KCTD16: variants seen among roughly 807,000 people sequenced by gnomAD.
KCTD16 encodes BTB/POZ domain-containing protein KCTD16.
Under a neutral mutation model 33.2 loss-of-function variants are expected in KCTD16, and 13 were observed. The ratio of observed to expected loss-of-function variants is 0.39; its 90% CI spans 0.25 to 0.62. The LOEUF (loss-of-function observed/expected upper bound fraction) is 0.62, where lower values mean the gene tolerates loss of function less well. KCTD16 is among the 20% of genes least tolerant of loss of function. The pLI, the probability that KCTD16 is intolerant of heterozygous loss-of-function variation, is 0.50. For synonymous variants in KCTD16, 197 were observed against 195.3 expected, an observed-to-expected ratio of 1.01 and a Z score of -0.07; for missense variants, 441 against 525.1, an observed-to-expected ratio of 0.84 and a Z score of 1.57.
chr5:144,426,715 A>T (rs1161271377), intron 3 of KCTD16, among the ~76,000 whole-genome samples: 1 of 152,144 alleles, frequency 6.6e-6, no homozygotes, highest in Non-Finnish European at 1.5e-5. Flanking sequence ...TCATACCATC[A>T]AGGGAGGTAT....
chr5:144,205,874 G>T, intron 2 of KCTD16: 1 of 262,560 alleles, frequency 3.8e-6, no homozygotes, highest in Non-Finnish European at 7.1e-6. Flanking sequence ...ATATATAATA[G>T]TTATTTTCCA....
At chr5:144,221,614 T>A (rs948390636) in intron 3 of KCTD16, among the ~76,000 whole-genome samples, 3 of 152,246 alleles carry the variant, frequency 2.0e-5, no homozygotes, top group African/African-American at 7.2e-5. Context: ...TTTTTATGGC[T>A]GCATAGTATT....
At position 144,312,078 on chromosome 5, in the gene KCTD16, G is replaced by A. The variant is rs181598214; in HGVS notation, c.832+104532G>A. On this transcript the variant is annotated intron_variant, in intron 3 of 3. Transcript: ENST00000512467. ...AACATTTATGAAAGGCCCTGTAGGT[G>A]CCGGGCACTTTGCTAGATGGCTCAC... Among the ~76,000 whole-genome samples the A allele has an allele frequency of 1.6e-3, 243 of 152,270 alleles. 7 individuals carry two copies. The highest frequency in any genetic ancestry group is 3.2e-4 in the Non-Finnish European group (22 of 68,010).
At chr5:144,457,092 A>G (rs1281319019) in intron 3 of KCTD16, among the ~76,000 whole-genome samples, 1 of 152,190 alleles carries the variant, frequency 6.6e-6, no homozygotes, top group Non-Finnish European at 1.5e-5. Context: ...TCCCTTAACT[A>G]TATGTATTTA....
At chr5:144,199,707 A>ATTTTTTTTTTT (rs574670606) in intron 2 of KCTD16, among the ~76,000 whole-genome samples, 2 of 67,738 alleles carry the variant, frequency 3.0e-5, no homozygotes, top group African/African-American at 6.0e-5. Context: ...GAACAGCTTC[A>ATTTTTTTTTTT]TTTTTTTTTT....
intron 3 of KCTD16, among the ~76,000 whole-genome samples, chr5:144,243,725 C>A (rs1754467064): frequency 6.6e-6 from 1 of 152,034 alleles, no homozygotes; most frequent in African/African-American, 2.4e-5. Context: ...CTTCTGTCCC[C>A]ATGAATACTC....
intron 3 of KCTD16, among the ~76,000 whole-genome samples, chr5:144,462,040 T>C (rs1015261564): frequency 1.3e-5 from 2 of 152,198 alleles, no homozygotes; most frequent in African/African-American, 4.8e-5. Flanking sequence ...TCATTTGTTT[T>C]CCAGATTCTG....
chr5:144,383,957 A>G (rs546824767), intron 3 of KCTD16, among the ~76,000 whole-genome samples: 26 of 152,294 alleles, frequency 1.7e-4, no homozygotes, highest in Admixed American at 1.6e-3. Context: ...CATCTTTTTG[A>G]TCAGAAAAAC....
chr5:144,293,668 C>T (rs1755957110), intron 3 of KCTD16, among the ~76,000 whole-genome samples: 1 of 152,110 alleles, frequency 6.6e-6, no homozygotes, highest in African/African-American at 2.4e-5. Flanking sequence ...TTCCAATTCC[C>T]CTAGGTCCAT....
chr5:144,273,980 T>C (rs2126849212), intron 3 of KCTD16, among the ~76,000 whole-genome samples: 1 of 150,074 alleles, frequency 6.7e-6, no homozygotes, highest in South Asian at 2.1e-4. Context: ...TATATTAAAA[T>C]ATAATAATAT....
At chr5:144,224,109 A>C (rs1318538407) in intron 3 of KCTD16, among the ~76,000 whole-genome samples, 1 of 152,184 alleles carries the variant, frequency 6.6e-6, no homozygotes. Flanking sequence ...ACAAGTCTAC[A>C]TGAAGGCAAT....
chr5:144,376,108 A>G (rs968820738), intron 3 of KCTD16, among the ~76,000 whole-genome samples: 5 of 151,988 alleles, frequency 3.3e-5, no homozygotes, highest in African/African-American at 7.2e-5. Context: ...TTTTTTCTTA[A>G]TAAAATCTTC....
chr5:144,283,026 G>C (rs373257027), intron 3 of KCTD16, among the ~76,000 whole-genome samples: 1 of 152,138 alleles, frequency 6.6e-6, no homozygotes, highest in South Asian at 2.1e-4. Context: ...GCCACTGAAA[G>C]AGGGGGAATT....
At chr5:144,172,185 A>AT (rs3842025) in intron 1 of KCTD16, among the ~76,000 whole-genome samples, 3 of 151,914 alleles carry the variant, frequency 2.0e-5, no homozygotes, top group Non-Finnish European at 4.4e-5. Flanking sequence ...AAAGGATGTA[A>AT]GACCCAACCA....
At chr5:144,226,519 G>A (rs991513738) in intron 3 of KCTD16, among the ~76,000 whole-genome samples, 1 of 151,662 alleles carries the variant, frequency 6.6e-6, no homozygotes, top group South Asian at 2.1e-4. Flanking sequence ...TTCTTCAGTT[G>A]TTCACCGTAA....
At chr5:144,182,538 A>G (rs1346646126) in intron 2 of KCTD16, among the ~76,000 whole-genome samples, 1 of 152,244 alleles carries the variant, frequency 6.6e-6, no homozygotes, top group Non-Finnish European at 1.5e-5. Flanking sequence ...GGATTAGCAC[A>G]TCTTGAAATC....
intron 3 of KCTD16, among the ~76,000 whole-genome samples, chr5:144,329,667 A>C (rs1348409027): frequency 2.0e-5 from 3 of 152,026 alleles, no homozygotes; most frequent in African/African-American, 7.2e-5. Context: ...GGATATTAGT[A>C]AAGTTGGATA....
intron 3 of KCTD16, among the ~76,000 whole-genome samples, chr5:144,406,184 A>G (rs1187637523): frequency 6.6e-6 from 1 of 152,186 alleles, no homozygotes; most frequent in African/African-American, 2.4e-5. Flanking sequence ...ATTTCAGCCT[A>G]ATGAAAGGCA....
In KCTD16 at chr5:144,484,190, A is replaced by C. The variant is rs1215533205; in HGVS notation, c.*10076A>C. ...GTGGCGGATGTCAAAATCTCTCATT[A>C]ATTACCCTGTTTTTTTCTTTAAGGA... On this transcript the variant is annotated 3_prime_UTR_variant, in exon 4 of 4. Transcript: ENST00000512467. 6.6e-6 allele frequency: 1 copy of C among 151,930 alleles called. No homozygotes were observed. Among genetic ancestry groups the C allele is most frequent in the African/African-American group, 2.4e-5 (1 of 41,400 alleles). The allele number at this position is 151,930 out of a possible 1,614,324, so 9.4% of individuals were successfully genotyped here. A position where few individuals can be genotyped will look rare whatever the true frequency, so the allele number is the denominator to read the frequency against.
Sources: gnomAD v4.1 joint callset for allele counts (sites outside exome capture counted in the v4.1 genomes callset) on GRCh38, gnomAD v4.1.1 for gene constraint, MANE v1.5 for transcripts, NCBI Gene and HGNC (gene_info 2026-07-23, HGNC 2026-07-21) for gene names.